HCN1: variants seen among roughly 807,000 people sequenced by gnomAD.
HCN1 encodes the protein hyperpolarization activated cyclic nucleotide gated potassium channel 1, also known as potassium/sodium hyperpolarization-activated cyclic nucleotide-gated channel 1.
A neutral mutation model predicts 78.9 loss-of-function variants in HCN1; 13 were observed. The ratio of observed to expected loss-of-function variants is 0.16; its 90% CI spans 0.11 to 0.26. The LOEUF (loss-of-function observed/expected upper bound fraction) is 0.26. Ranked by LOEUF, HCN1 falls within the 10% of genes least tolerant of loss-of-function variation. HCN1 has a pLI of 1.00. For missense variants in HCN1, 810 were observed against 1,154.3 expected (o/e 0.70, Z 4.32); for synonymous variants, 552 against 455.5 (o/e 1.21, Z -2.70).
chr5:45,320,102 T>C (rs1746092941), intron 5 of HCN1, among the ~76,000 whole-genome samples: 1 of 151,928 alleles, frequency 6.6e-6, no homozygotes. Context: ...GCTAAATTTC[T>C]ACACTCCAAC....
rs561646796 is a variant in HCN1 at position 45,695,424 on chromosome 5, C to G, written c.425+245G>C. Reference sequence around the variant, plus strand: ...CCTTCCCTGATCTGTCCCCGAAGTTCAGGAGGCCAAGGAGGAGAGCCCGTC... The same window carrying G: ...CCTTCCCTGATCTGTCCCCGAAGTTGAGGAGGCCAAGGAGGAGAGCCCGTC... On this transcript the variant is annotated intron_variant, in intron 1 of 7. Transcript: ENST00000303230. Among the ~76,000 whole-genome samples the G allele has an allele frequency of 8.2e-3, 1,245 of 152,274 alleles. 11 individuals carry two copies. Among genetic ancestry groups the G allele is most frequent in the Non-Finnish European group, 0.013 (891 of 68,006 alleles).
intron 5 of HCN1, among the ~76,000 whole-genome samples, chr5:45,312,893 C>T (rs965485300): frequency 5.3e-5 from 8 of 152,256 alleles, no homozygotes; most frequent in Admixed American, 2.6e-4. Context: ...TGGAGCCCCT[C>T]GCAGCTCAAG....
intron 5 of HCN1, among the ~76,000 whole-genome samples, chr5:45,351,681 A>T (rs1294817776): frequency 2.1e-5 from 3 of 145,586 alleles, no homozygotes; most frequent in Non-Finnish European, 4.4e-5. Flanking sequence ...AATTTATAAG[A>T]AAAAAACAAA....
At chr5:45,677,989 T>C (rs917429247) in intron 1 of HCN1, among the ~76,000 whole-genome samples, 27 of 94,168 alleles carry the variant, frequency 2.9e-4, no homozygotes, top group African/African-American at 8.7e-4. Context: ...CACACACACA[T>C]ACACACACAC....
intron 2 of HCN1, among the ~76,000 whole-genome samples, chr5:45,543,453 T>C (rs1486596878): frequency 1.3e-5 from 2 of 152,110 alleles, no homozygotes; most frequent in Non-Finnish European, 2.9e-5. Context: ...CAAGATTTTA[T>C]CTTCTTGCTA....
chr5:45,649,901 T>C (rs1406308241), intron 1 of HCN1, among the ~76,000 whole-genome samples: 1 of 152,136 alleles, frequency 6.6e-6, no homozygotes. Flanking sequence ...CATATAGATC[T>C]GGATTTTACT....
chr5:45,373,762 C>A (rs576108669), intron 4 of HCN1, among the ~76,000 whole-genome samples: 2 of 115,552 alleles, frequency 1.7e-5, no homozygotes, highest in African/African-American at 3.5e-5. Context: ...ACGGTATATA[C>A]GTCATCTATA....
At position 45,578,718 on chromosome 5, in the gene HCN1, GA is replaced by G. The variant is rs538845411; in HGVS notation, c.849+66466del. On this transcript the variant is annotated intron_variant, in intron 2 of 7. Transcript: ENST00000303230. ...ATATTAATATTCCCATTTTACAGAT[GA>G]AAAAAAATGAAGGCATAGAGCAATT... Among the ~76,000 whole-genome samples, 1,111 of 151,290 alleles carry G rather than the reference GA, an allele frequency of 7.3e-3. 10 individuals are homozygous for G. The highest frequency in any genetic ancestry group is 0.026 in the African/African-American group (1,061 of 41,266).
At chr5:45,425,709 G>C (rs1740331436) in intron 3 of HCN1, among the ~76,000 whole-genome samples, 1 of 152,162 alleles carries the variant, frequency 6.6e-6, no homozygotes, top group Admixed American at 6.5e-5. Context: ...AAATGAATTA[G>C]AGATTTAGAA....
chr5:45,690,212 G>A (rs1240116072), intron 1 of HCN1, among the ~76,000 whole-genome samples: 1 of 152,010 alleles, frequency 6.6e-6, no homozygotes, highest in East Asian at 1.9e-4. Flanking sequence ...CTAGTGACCT[G>A]AAAATAAAAT....
chr5:45,659,371 A>G (rs1745867417), intron 1 of HCN1, among the ~76,000 whole-genome samples: 1 of 112,508 alleles, frequency 8.9e-6, no homozygotes, highest in Non-Finnish European at 1.8e-5. Context: ...GAACAGAAAA[A>G]CTGGAAACTC....
At chr5:45,505,250 C>A (rs951355577) in intron 2 of HCN1, among the ~76,000 whole-genome samples, 3 of 152,098 alleles carry the variant, frequency 2.0e-5, no homozygotes, top group Admixed American at 1.3e-4. Context: ...ACATTTAAGT[C>A]TTTAATCCAT....
At chr5:45,539,685 A>G (rs996852030) in intron 2 of HCN1, among the ~76,000 whole-genome samples, 3 of 148,978 alleles carry the variant, frequency 2.0e-5, no homozygotes, top group Non-Finnish European at 4.5e-5. Flanking sequence ...AAAGAAAACA[A>G]TATTTTAAAA....
intron 3 of HCN1, among the ~76,000 whole-genome samples, chr5:45,397,521 T>A (rs1739709403): frequency 6.6e-6 from 1 of 152,074 alleles, no homozygotes; most frequent in African/African-American, 2.4e-5. Flanking sequence ...TGTTAAAATT[T>A]AAATTATTTT....
At chr5:45,458,639 A>G (rs774968535) in intron 3 of HCN1, among the ~76,000 whole-genome samples, 12 of 152,148 alleles carry the variant, frequency 7.9e-5, no homozygotes, top group Non-Finnish European at 2.9e-5. Context: ...TTTATAATCT[A>G]TGCTGCACAA....
chr5:45,289,751 G>A (rs184597353), intron 6 of HCN1, among the ~76,000 whole-genome samples: 234 of 151,986 alleles, frequency 1.5e-3, no homozygotes, highest in African/African-American at 4.1e-3. Context: ...TTTAAAATGC[G>A]GTAACAAATT....
intron 6 of HCN1, among the ~76,000 whole-genome samples, chr5:45,301,870 T>G (rs544952502): frequency 6.6e-6 from 1 of 152,100 alleles, no homozygotes; most frequent in South Asian, 2.1e-4. Context: ...TGACAGATAT[T>G]GTAAATGCAA....
At chr5:45,618,439 T>C (rs1744996494) in intron 2 of HCN1, among the ~76,000 whole-genome samples, 1 of 152,096 alleles carries the variant, frequency 6.6e-6, no homozygotes, top group South Asian at 2.1e-4. Flanking sequence ...TTTAAGGAGC[T>C]AGATTGATTT....
intron 2 of HCN1, among the ~76,000 whole-genome samples, chr5:45,489,559 C>A (rs949222322): frequency 6.6e-6 from 1 of 151,750 alleles, no homozygotes; most frequent in Non-Finnish European, 1.5e-5. Flanking sequence ...ATAAAGTGCT[C>A]TCTGTTTCCA....
Sources: gnomAD v4.1 joint callset for allele counts (sites outside exome capture counted in the v4.1 genomes callset) on GRCh38, gnomAD v4.1.1 for gene constraint, MANE v1.5 for transcripts, NCBI Gene and HGNC (gene_info 2026-07-23, HGNC 2026-07-21) for gene names.